HYDIN: variants seen among roughly 807,000 people sequenced by gnomAD.
HYDIN encodes HYDIN axonemal central pair apparatus protein.
HYDIN carries 132 observed loss-of-function variants against 403.9 expected under a neutral mutation model. That is an observed-to-expected ratio of 0.33 (90% CI 0.28 to 0.38). The LOEUF is 0.38. Among genes scored for constraint, HYDIN ranks in the 10% least tolerant of loss-of-function variants. The pLI is 1.00. For synonymous variants in HYDIN, 1,202 were observed against 1,891.7 expected (o/e 0.64, Z 9.46); for missense variants, 2,827 against 5,009.5 (o/e 0.56, Z 13.15).
chr16:71,151,357 G>T (rs1597891847), intron 7 of HYDIN, among the ~76,000 whole-genome samples: 1 of 151,910 alleles, frequency 6.6e-6, no homozygotes, highest in Non-Finnish European at 1.5e-5. Context: ...GGCTTGAGTC[G>T]TCCTCCTCAA....
At chr16:71,030,711 G>A (rs1055431419) in intron 19 of HYDIN, among the ~76,000 whole-genome samples, 6 of 152,246 alleles carry the variant, frequency 3.9e-5, no homozygotes, top group East Asian at 1.9e-4. Context: ...GATTATAGGC[G>A]TGGGCTACTG....
rs138961234 is a variant in HYDIN, at chr16:71,187,068, G to T, written c.-23-150C>A. 11 of 550,512 alleles carry T rather than the reference G, an allele frequency of 2.0e-5. No individual in the cohort carries two copies. The East Asian group carries it at 3.2e-4, about 16-fold the overall frequency. The allele number at this position is 550,512 out of a possible 1,614,324, so 34.1% of individuals were successfully genotyped here. On this transcript the variant is annotated intron_variant, in intron 1 of 85. Coordinates refer to ENST00000393567, the MANE Select transcript of HYDIN (RefSeq NM_001270974.2). ...GCTTGGAACAAATATCTCAACAAAG[G>T]ATTCTATTCCATATAACTAGATTTA...
At chr16:70,934,172 C>A (rs2077432564) in intron 45 of HYDIN, among the ~76,000 whole-genome samples, 1 of 151,922 alleles carries the variant, frequency 6.6e-6, no homozygotes, top group East Asian at 1.9e-4. Context: ...AATGGAGAGG[C>A]TGGAGCCTTG....
At chr16:71,148,667 T>C (rs913572747) in intron 7 of HYDIN, among the ~76,000 whole-genome samples, 5 of 151,126 alleles carry the variant, frequency 3.3e-5, no homozygotes. Context: ...GTTCTGCTAA[T>C]AAAAAGACAT....
At chr16:71,176,860 A>T (rs567928581) in intron 4 of HYDIN, among the ~76,000 whole-genome samples, 2 of 152,298 alleles carry the variant, frequency 1.3e-5, no homozygotes, top group Non-Finnish European at 2.9e-5. Context: ...TAATAACCTG[A>T]CAGGCTCTAT....
At chr16:71,177,717 C>A (rs2086728002) in intron 4 of HYDIN, among the ~76,000 whole-genome samples, 1 of 152,130 alleles carries the variant, frequency 6.6e-6, no homozygotes, top group South Asian at 2.1e-4. Flanking sequence ...AGTATTCCTC[C>A]TTGTCTTTAT....
At chr16:70,808,127 C>G in intron 85 of HYDIN, 65 bp from the exon 86 acceptor site, 1 of 1,523,600 alleles carries the variant, frequency 6.6e-7, no homozygotes. Flanking sequence ...GAGCTCAAGT[C>G]TACCCCAGCC....
chr16:71,174,397 G>C (rs533241245), intron 5 of HYDIN, among the ~76,000 whole-genome samples: 23 of 152,258 alleles, frequency 1.5e-4, no homozygotes, highest in African/African-American at 5.5e-4. Context: ...CTCCAAGCTA[G>C]TTCTGTCTGA....
intron 37 of HYDIN, among the ~76,000 whole-genome samples, chr16:70,963,121 G>A (rs531377042): frequency 8.6e-5 from 13 of 151,102 alleles, no homozygotes; most frequent in Non-Finnish European, 1.6e-4. Context: ...CTGCTGGGCA[G>A]TCCCTCTGAT....
intron 18 of HYDIN, among the ~76,000 whole-genome samples, chr16:71,041,030 C>T (rs1465591105): frequency 6.6e-6 from 1 of 150,850 alleles, no homozygotes; most frequent in Admixed American, 6.6e-5. Flanking sequence ...ATTATAAACT[C>T]TTTGAAGAAG....
At chr16:70,902,094 G>A (rs2076397201) in intron 52 of HYDIN, among the ~76,000 whole-genome samples, 2 of 150,014 alleles carry the variant, frequency 1.3e-5, no homozygotes, top group Non-Finnish European at 3.0e-5. Flanking sequence ...CATTAAAAAT[G>A]CCATTCTATT....
intron 39 of HYDIN, among the ~76,000 whole-genome samples, chr16:70,956,478 A>G (rs560965869): frequency 6.6e-6 from 1 of 152,278 alleles, no homozygotes; most frequent in East Asian, 1.9e-4. Context: ...GGTAAAAGAG[A>G]CTTTGCAGAT....
At chr16:70,834,930 GTATA>G (rs985694760) in intron 78 of HYDIN, among the ~76,000 whole-genome samples, 1 of 137,276 alleles carries the variant, frequency 7.3e-6, no homozygotes, top group African/African-American at 2.9e-5. Context: ...ACACATATAT[GTATA>G]TATACACACA....
At chr16:70,994,266 C>CATGGATGGATGGATGG (rs34567184) in intron 23 of HYDIN, among the ~76,000 whole-genome samples, 8 of 136,680 alleles carry the variant, frequency 5.9e-5, no homozygotes, top group African/African-American at 2.1e-4. Context: ...TGGATGGATG[C>CATGGATGGATGGATGG]ATGGATGGAT....
intron 21 of HYDIN, among the ~76,000 whole-genome samples, chr16:71,020,917 T>C (rs553887597): frequency 5.3e-5 from 8 of 151,306 alleles, no homozygotes; most frequent in South Asian, 2.1e-4. Flanking sequence ...TGGTGCCTAA[T>C]TGAGAAAACC....
chr16:70,911,740 G>A (rs1194491157), intron 47 of HYDIN, among the ~76,000 whole-genome samples: 1 of 152,058 alleles, frequency 6.6e-6, no homozygotes, highest in East Asian at 1.9e-4. Flanking sequence ...ACCCATCCAT[G>A]AGCATGAGAT....
chr16:70,837,733 G>A lies in HYDIN; in HGVS notation c.13199C>T (p.Ser4400Leu), dbSNP rs1163530735. The part of the protein sequence containing the change: ...ELIPFEINGL[S>L]QQTVEIKGKG... The stretch of plus-strand genomic sequence containing the variant: ...CCCTTTGATTTCGACTGTTTGTTGT[G>A]AGAGCCCATTGATTTCAAAGGGAAT... Residue 4400 changes from serine to leucine, a missense_variant, in exon 77 of 86, where the codon TCA becomes TTA. Transcript: ENST00000393567. The A allele has an allele frequency of 3.1e-6, 5 of 1,613,810 alleles. No individual in the cohort carries two copies. Among genetic ancestry groups the A allele is most frequent in the Admixed American group, 1.7e-5 (1 of 59,994 alleles).
intron 82 of HYDIN, 116 bp from the exon 83 acceptor site, chr16:70,827,527 GTTC>G (rs1339202878): frequency 3.1e-6 from 1 of 317,684 alleles, no homozygotes; most frequent in Non-Finnish European, 6.0e-6. Context: ...TGGCTCCAGG[GTTC>G]TAGTCTTCAC....
chr16:71,173,488 C>A (rs1212737396), intron 5 of HYDIN, among the ~76,000 whole-genome samples: 7 of 152,158 alleles, frequency 4.6e-5, no homozygotes, highest in Non-Finnish European at 1.5e-5. Context: ...TCAACTATTT[C>A]TTTGCAGGAT....
Sources: allele counts gnomAD v4.1 joint callset (sites outside exome capture counted in the v4.1 genomes callset), GRCh38; gene constraint gnomAD v4.1.1; transcripts MANE v1.5; gene names NCBI Gene and HGNC (gene_info 2026-07-23, HGNC 2026-07-21).